Variants in AKT3 observed in about 807,000 individuals in gnomAD.
AKT3 encodes RAC-gamma serine/threonine-protein kinase.
A neutral mutation model predicts 65.3 loss-of-function variants in AKT3; 15 were observed. The ratio of observed to expected loss-of-function variants is 0.23; its 90% CI spans 0.15 to 0.35. AKT3 has a LOEUF of 0.35. AKT3 is among the 10% of genes least tolerant of loss of function. The pLI is 1.00. For synonymous variants in AKT3, 206 were observed against 183.8 expected (o/e 1.12, Z -0.98); for missense variants, 243 against 576.5 (o/e 0.42, Z 5.92).
intron 2 of AKT3, among the ~76,000 whole-genome samples, chr1:243,785,432 C>T (rs1197516163): frequency 1.3e-5 from 2 of 150,254 alleles, no homozygotes; most frequent in African/African-American, 4.9e-5. Context: ...AAATAGTTGT[C>T]TTTTGTTTAC....
At position 243,493,054 on chromosome 1, in the gene AKT3, A is replaced by G. The variant is rs937417591; in HGVS notation, c.*7-4604T>C. On this transcript the variant is annotated intron_variant, in intron 13 of 13. Transcript: ENST00000336199. ...CTTGTGGAGAAACAGACACTGAAGC[A>G]CTAGCCCAGCTTTGCCTAGATGCAG... Among the ~76,000 whole-genome samples, 61 of 152,292 alleles carry G rather than the reference A, an allele frequency of 4.0e-4. 1 individual carries two copies. The highest frequency in any genetic ancestry group is 7.3e-5 in the Non-Finnish European group (5 of 68,028).
intron 2 of AKT3, among the ~76,000 whole-genome samples, chr1:243,811,543 C>G (rs1048219745): frequency 6.6e-6 from 1 of 152,180 alleles, no homozygotes; most frequent in Non-Finnish European, 1.5e-5. Context: ...AATGGAAGAA[C>G]ATTCCATGCT....
chr1:243,649,222 A>C (rs1681078693), intron 4 of AKT3, among the ~76,000 whole-genome samples: 1 of 151,948 alleles, frequency 6.6e-6, no homozygotes, highest in African/African-American at 2.4e-5. Context: ...TTTCTAATTA[A>C]TTCTGTGGAT....
At chr1:243,602,421 A>C (rs1456239205) in intron 8 of AKT3, among the ~76,000 whole-genome samples, 1 of 152,166 alleles carries the variant, frequency 6.6e-6, no homozygotes, top group Non-Finnish European at 1.5e-5. Context: ...CTGACAATAA[A>C]GATGTTTATA....
At chr1:243,559,619 A>C (rs951183137) in intron 10 of AKT3, among the ~76,000 whole-genome samples, 6 of 152,142 alleles carry the variant, frequency 3.9e-5, no homozygotes, top group Non-Finnish European at 5.9e-5. Context: ...CTCTTTGTGA[A>C]GTATCTTCAA....
chr1:243,562,370 A>C (rs1477779733), intron 10 of AKT3, among the ~76,000 whole-genome samples: 1 of 152,148 alleles, frequency 6.6e-6, no homozygotes, highest in Non-Finnish European at 1.5e-5. Context: ...GGAGTGATGA[A>C]AATATTCTGG....
chr1:243,850,728 G>A (rs1433130095), upstream of AKT3, among the ~76,000 whole-genome samples: 1 of 151,886 alleles, frequency 6.6e-6, no homozygotes, highest in Non-Finnish European at 1.5e-5. Context: ...TCCCTGCCCG[G>A]CCCTCGTCCT....
chr1:243,773,313 G>C (rs934921239), intron 2 of AKT3, among the ~76,000 whole-genome samples: 1 of 151,836 alleles, frequency 6.6e-6, no homozygotes. Flanking sequence ...TGTTCACCGA[G>C]TATGAGTAAA....
intron 2 of AKT3, among the ~76,000 whole-genome samples, chr1:243,781,039 A>T (rs1455954072): frequency 6.6e-6 from 1 of 152,146 alleles, no homozygotes; most frequent in Non-Finnish European, 1.5e-5. Context: ...TAATACAGTT[A>T]AAGTCTCTTC....
At chr1:243,612,050 A>G (rs1321091197) in intron 8 of AKT3, among the ~76,000 whole-genome samples, 1 of 152,132 alleles carries the variant, frequency 6.6e-6, no homozygotes, top group East Asian at 1.9e-4. Context: ...TCATAAACCC[A>G]TACTGCCTAG....
chr1:243,728,827 T>C (rs951526379), intron 2 of AKT3, among the ~76,000 whole-genome samples: 2 of 152,122 alleles, frequency 1.3e-5, no homozygotes, highest in African/African-American at 4.8e-5. Context: ...TAAAAAGTTA[T>C]TAGAGACAAA....
At chr1:243,709,995 C>T (rs1485640392) in intron 2 of AKT3, among the ~76,000 whole-genome samples, 1 of 152,032 alleles carries the variant, frequency 6.6e-6, no homozygotes, top group Non-Finnish European at 1.5e-5. Context: ...TTTTTTTGAA[C>T]TAAAACACAT....
At chr1:243,651,096 C>T (rs1681280326) in intron 4 of AKT3, among the ~76,000 whole-genome samples, 1 of 152,116 alleles carries the variant, frequency 6.6e-6, no homozygotes, top group Non-Finnish European at 1.5e-5. Context: ...GTTTGTAGTT[C>T]TCCTTGAAGA....
At chr1:243,582,470 A>C (rs1013700922) in intron 8 of AKT3, among the ~76,000 whole-genome samples, 66 of 123,760 alleles carry the variant, frequency 5.3e-4, no homozygotes, top group African/African-American at 1.8e-3. Flanking sequence ...AAAAAAAAAA[A>C]AGAAATTCCA....
chr1:243,512,271 C>T (rs1670063303), intron 13 of AKT3, 53 bp downstream of exon 13: 2 of 1,005,778 alleles, frequency 2.0e-6, no homozygotes, highest in East Asian at 5.1e-5. Context: ...TCTTCAATTA[C>T]ATTAGGAGAA....
At chr1:243,839,471 C>T (rs4590656) in intron 2 of AKT3, among the ~76,000 whole-genome samples, 76,790 of 151,994 alleles carry the variant, frequency 0.51, 23,522 homozygotes, top group Non-Finnish European at 0.68. Flanking sequence ...ATGTTTGCTC[C>T]GTGATGTTTC....
chr1:243,710,161 G>A (rs1378745496), intron 2 of AKT3, among the ~76,000 whole-genome samples: 1 of 152,106 alleles, frequency 6.6e-6, no homozygotes, highest in Non-Finnish European at 1.5e-5. Context: ...AAAGCTAGAA[G>A]TTTCTGAAGT....
intron 2 of AKT3, among the ~76,000 whole-genome samples, chr1:243,743,057 C>A (rs1688259231): frequency 6.6e-6 from 1 of 152,194 alleles, no homozygotes; most frequent in Admixed American, 6.5e-5. Context: ...TCCCAATTCA[C>A]TGGCCAGAAA....
intron 2 of AKT3, among the ~76,000 whole-genome samples, chr1:243,775,023 T>C (rs1289384413): frequency 1.3e-5 from 2 of 150,450 alleles, no homozygotes; most frequent in East Asian, 2.0e-4. Flanking sequence ...CCACCACGCC[T>C]AGCTAATTTT....
Sources: gnomAD v4.1 joint callset for allele counts (sites outside exome capture counted in the v4.1 genomes callset) on GRCh38, gnomAD v4.1.1 for gene constraint, MANE v1.5 for transcripts, NCBI Gene and HGNC (gene_info 2026-07-23, HGNC 2026-07-21) for gene names.